TFAP4: variants seen among roughly 807,000 people sequenced by gnomAD.
The protein encoded by TFAP4 is transcription factor AP-4.
A neutral mutation model predicts 40.4 loss-of-function variants in TFAP4; 7 were observed. The observed-to-expected ratio is 0.17, with a 90% CI of 0.10 to 0.33. TFAP4 has a LOEUF of 0.33. TFAP4 is among the 10% of genes least tolerant of loss of function. The pLI is 1.00. For synonymous variants in TFAP4, 218 were observed against 181.4 expected, an observed-to-expected ratio of 1.20 and a Z score of -1.62; for missense variants, 374 against 451.1, an observed-to-expected ratio of 0.83 and a Z score of 1.55.
intron 4 of TFAP4, among the ~76,000 whole-genome samples, chr16:4,260,803 CG>C (rs2052941561): frequency 6.6e-6 from 1 of 152,172 alleles, no homozygotes; most frequent in Non-Finnish European, 1.5e-5. Context: ...CCCTCCTGCC[CG>C]AGTCTTTGCC....
In TFAP4 at chr16:4,272,565, G is replaced by C. The variant is rs1192729777; in HGVS notation, c.89+93C>G. 7 of 909,928 alleles carry C rather than the reference G, an allele frequency of 7.7e-6. No homozygotes were observed. The South Asian group carries it at 1.4e-4, about 18-fold the overall frequency. 56.4% of individuals were successfully genotyped at this position (909,928 alleles called of 1,614,324 possible). ...AAGAAAGGCTAGCGGGGTCGGCGGC[G>C]CGGGCCATGCGTGCGCACACGCGCG... On this transcript the variant is annotated intron_variant, in intron 1 of 6. Transcript: ENST00000204517.
At chr16:4,259,952 C>G in intron 6 of TFAP4, 138 bp downstream of exon 6, 1 of 1,204,442 alleles carries the variant, frequency 8.3e-7, no homozygotes, top group African/African-American at 1.6e-5. Context: ...ACGGGGCCCC[C>G]CAAGGCTTCC....
chr16:4,265,624 A>AG (rs2052988117), intron 1 of TFAP4: 1 of 151,150 alleles, frequency 6.6e-6, no homozygotes, highest in African/African-American at 2.4e-5. Flanking sequence ...AAAAAAAAAA[A>AG]AAAAAAAAAA....
Position 4,258,169 on chromosome 16 carries a change from G to A in TFAP4, c.903C>T (p.Val301=), listed in dbSNP as rs2052913842. ...EQRRAVIVKP[V]RSCPEAPTSD... ...AGGTGGGGGCCTCCGGGCAGCTGCG[G>A]ACAGGCTTCACGATGACAGCTCGCC... The change falls in exon 7 of 7, where the codon GTC becomes GTT. Residue 301 remains valine (V), a synonymous_variant. Transcript: ENST00000204517. 1 of 1,613,990 alleles carries A rather than the reference G, an allele frequency of 6.2e-7. No homozygotes were observed. Among genetic ancestry groups the A allele is most frequent in the East Asian group, 2.2e-5 (1 of 44,848 alleles).
At position 4,272,761 on chromosome 16, in the gene TFAP4, C is replaced by T; in HGVS notation, c.-15G>A. ...AAATACTCCATAGCGATCGGCCCCC[C>T]TCCTCTGCACGAGCCAGGTCCCGCG... On this transcript the variant is annotated 5_prime_UTR_variant, in exon 1 of 7. Coordinates refer to ENST00000204517, the MANE Select transcript of TFAP4 (RefSeq NM_003223.3). 6.2e-7 allele frequency: 1 copy of T among 1,611,648 alleles called. No individual in the cohort carries two copies. The highest frequency in any genetic ancestry group is 8.5e-7 in the Non-Finnish European group (1 of 1,178,212).
intron 1 of TFAP4, chr16:4,265,092 T>A (rs1351740099): frequency 1.3e-5 from 2 of 151,716 alleles, no homozygotes; most frequent in African/African-American, 4.8e-5. Context: ...TTTTTTTAAG[T>A]TTTTGGCGAG....
At position 4,260,567 on chromosome 16, in the gene TFAP4, G is replaced by A. The variant is rs1202810320; in HGVS notation, c.554C>T (p.Pro185Leu). The A allele has an allele frequency of 6.2e-7, 1 of 1,610,016 alleles. No individual in the cohort carries two copies. Among genetic ancestry groups the A allele is most frequent in the African/African-American group, 1.3e-5 (1 of 74,952 alleles). ...QVRSLEAHMY[P>L]EKLKVIAQQV... ...CTGCGCAATCACCTTGAGCTTTTCC[G>A]GGTACATGTGGGCCTCCAGCGAGCG... Residue 185 changes from proline to leucine, a missense_variant, in exon 5 of 7, where the codon CCG becomes CTG. Coordinates refer to ENST00000204517, the MANE Select transcript of TFAP4 (RefSeq NM_003223.3).
chr16:4,269,607 C>T (rs1005097512), intron 1 of TFAP4, among the ~76,000 whole-genome samples: 1 of 150,828 alleles, frequency 6.6e-6, no homozygotes, highest in East Asian at 2.0e-4. Context: ...ATCAGGAGAT[C>T]GAGACCATCC....
Position 4,257,867 on chromosome 16 carries a change from G to C in TFAP4, c.*188C>G. 1.6e-6 allele frequency: 1 copy of C among 612,570 alleles called. No individual in the cohort carries two copies. Among genetic ancestry groups the C allele is most frequent in the Non-Finnish European group, 2.7e-6 (1 of 364,758 alleles). The allele number at this position is 612,570 out of a possible 1,614,324, so 37.9% of individuals were successfully genotyped here. A position where few individuals can be genotyped will look rare whatever the true frequency, so the allele number is the denominator to read the frequency against. ...CTCCCACACGCTCTGCGACACCCCAGCCCCGGGACCTCGGGTTGAGTGGCT... is the reference window on the plus strand; with the variant it reads ...CTCCCACACGCTCTGCGACACCCCACCCCCGGGACCTCGGGTTGAGTGGCT... On this transcript the variant is annotated 3_prime_UTR_variant, in exon 7 of 7. Transcript: ENST00000204517.
At position 4,262,232 on chromosome 16, in the gene TFAP4, G is replaced by C. The variant is rs990534426; in HGVS notation, c.354+92C>G. 6.5e-6 allele frequency: 9 copies of C among 1,394,298 alleles called. No homozygotes were observed. In the South Asian group the frequency reaches 1.1e-4, roughly 16 times the overall value. The allele number at this position is 1,394,298 out of a possible 1,614,324, so 86.4% of individuals were successfully genotyped here. A position where few individuals can be genotyped will look rare whatever the true frequency, so the allele number is the denominator to read the frequency against. Reference sequence around the variant, plus strand: ...GGAAGTACTTGTCAGTGGGCAAGAAGGGGCCTGCAGCCACACCTGAGTCCC... The same window carrying C: ...GGAAGTACTTGTCAGTGGGCAAGAACGGGCCTGCAGCCACACCTGAGTCCC... On this transcript the variant is annotated intron_variant, in intron 3 of 6. Transcript: ENST00000204517.
At chr16:4,270,242 T>C (rs2053030633) in intron 1 of TFAP4, among the ~76,000 whole-genome samples, 1 of 152,156 alleles carries the variant, frequency 6.6e-6, no homozygotes, top group African/African-American at 2.4e-5. Flanking sequence ...TAGCTAATTT[T>C]CTCACAGGTG....
At chr16:4,258,380 G>C (rs895539124) in intron 6 of TFAP4, 131 bp from the exon 7 acceptor site, 12 of 832,404 alleles carry the variant, frequency 1.4e-5, no homozygotes, top group African/African-American at 1.2e-4. Context: ...CAAAGCAGCA[G>C]GGGAGGCCCG....
intron 1 of TFAP4, among the ~76,000 whole-genome samples, chr16:4,271,023 G>A (rs1036313621): frequency 6.6e-6 from 1 of 152,252 alleles, no homozygotes; most frequent in African/African-American, 2.4e-5. Context: ...AGCAAAGTGA[G>A]TCCCCAGAAC....
At chr16:4,269,492 C>CAAAAAAA (rs60856578) in intron 1 of TFAP4, among the ~76,000 whole-genome samples, 4 of 43,214 alleles carry the variant, frequency 9.3e-5, no homozygotes, top group East Asian at 7.2e-4. Context: ...GACTCTGCCT[C>CAAAAAAA]AAAAAAAAAA....
intron 3 of TFAP4, 76 bp downstream of exon 3, chr16:4,262,248 C>T: frequency 6.6e-7 from 1 of 1,504,628 alleles, no homozygotes; most frequent in Non-Finnish European, 9.2e-7. Flanking sequence ...TGCAGCCACA[C>T]CTGAGTCCCA....
chr16:4,266,589 G>C (rs2052998315), intron 1 of TFAP4: 1 of 152,214 alleles, frequency 6.6e-6, no homozygotes, highest in Admixed American at 6.5e-5. Context: ...CTTATTGGTG[G>C]AATGCTGACC....
chr16:4,266,298 C>G (rs2141095187), intron 1 of TFAP4: 2 of 152,370 alleles, frequency 1.3e-5, no homozygotes, highest in Middle Eastern at 3.4e-3. Context: ...AAGCCATCAG[C>G]CCAGTCTCCT....
intron 4 of TFAP4, 120 bp downstream of exon 4, chr16:4,261,659 G>T: frequency 8.4e-7 from 1 of 1,194,796 alleles, no homozygotes; most frequent in Non-Finnish European, 1.1e-6. Flanking sequence ...CCTAGGCCTG[G>T]CACCGCAGTA....
chr16:4,272,508 C>T (rs1249207458), intron 1 of TFAP4, 150 bp downstream of exon 1: 29 of 518,384 alleles, frequency 5.6e-5, no homozygotes, highest in Non-Finnish European at 8.0e-5. Flanking sequence ...GGCGCGGACC[C>T]GGCGTGTGGG....
Sources: gnomAD v4.1 joint callset for allele counts (sites outside exome capture counted in the v4.1 genomes callset) on GRCh38, gnomAD v4.1.1 for gene constraint, MANE v1.5 for transcripts, NCBI Gene and HGNC (gene_info 2026-07-23, HGNC 2026-07-21) for gene names.